Variants in SHISA6 observed in about 807,000 individuals in gnomAD.
SHISA6 encodes the protein protein shisa-6.
SHISA6 carries 22 observed loss-of-function variants against 47.9 expected under a neutral mutation model. The observed-to-expected ratio is 0.46, with a 90% CI of 0.33 to 0.66. The LOEUF is 0.66. Ranked by LOEUF, SHISA6 falls within the 30% of genes least tolerant of loss-of-function variation. The pLI is 0.02. For synonymous variants in SHISA6, 388 were observed against 337.8 expected, an observed-to-expected ratio of 1.15 and a Z score of -1.63; for missense variants, 680 against 764.6, an observed-to-expected ratio of 0.89 and a Z score of 1.30.
intron 2 of SHISA6, chr17:11,288,576 C>G (rs1909408178): frequency 6.6e-6 from 1 of 152,120 alleles, no homozygotes; most frequent in African/African-American, 2.4e-5. Flanking sequence ...AAACTAAAAA[C>G]TACTCATAAT....
chr17:11,261,116 G>A (rs1213603511), intron 1 of SHISA6, among the ~76,000 whole-genome samples: 1 of 152,028 alleles, frequency 6.6e-6, no homozygotes, highest in South Asian at 2.1e-4. Context: ...GAGCAAGGAG[G>A]GGGGTCACCA....
rs1477531822 is a variant in SHISA6 at position 11,242,035 on chromosome 17, C to A, written c.613C>A (p.Pro205Thr). 2 of 1,550,852 alleles carry A rather than the reference C, an allele frequency of 1.3e-6. No homozygotes were observed. The highest frequency in any genetic ancestry group is 2.4e-5 in the East Asian group (1 of 40,894). ...AKVSYDKAHR[P>T]PREMNIHRAL... ...GGTCTCCTACGACAAGGCCCACCGC[C>A]CTCCACGGGAGATGAACATCCACAG... The change falls in exon 1 of 6, where the codon CCT becomes ACT. Residue 205 changes from proline to threonine, a missense_variant. Coordinates refer to ENST00000441885, the MANE Select transcript of SHISA6 (RefSeq NM_207386.4).
At chr17:11,484,831 A>G (rs1175236364) in intron 3 of SHISA6, among the ~76,000 whole-genome samples, 1 of 152,254 alleles carries the variant, frequency 6.6e-6, no homozygotes, top group Non-Finnish European at 1.5e-5. Context: ...GAAGAAATTG[A>G]AAAAATTGTC....
In SHISA6 at chr17:11,241,548, C is replaced by CG; in HGVS notation, c.131dup (p.Arg45ProfsTer67). On this transcript the variant is annotated frameshift_variant, in exon 1 of 6. Transcript: ENST00000441885. LOFTEE classifies it high-confidence loss of function. This position sits in a 1 kb window ranked among gnomAD's most constrained non-coding sequence, Gnocchi z 5.5. ...CCCTGAGTGCAGGCGGCGCTGCCGT[C>CG]GGGGGCCGGAGGGCCGGGGGCGCCC... 9.2e-7 allele frequency: 1 copy of CG among 1,085,196 alleles called. No homozygotes were observed. Among genetic ancestry groups the CG allele is most frequent in the Non-Finnish European group, 1.1e-6 (1 of 897,076 alleles). 67.2% of individuals were successfully genotyped at this position (1,085,196 alleles called of 1,614,324 possible). A position where few individuals can be genotyped will look rare whatever the true frequency, so the allele number is the denominator to read the frequency against.
At chr17:11,526,477 C>T (rs1250099521) in intron 3 of SHISA6, among the ~76,000 whole-genome samples, 2 of 152,174 alleles carry the variant, frequency 1.3e-5, no homozygotes, top group African/African-American at 4.8e-5. Context: ...CCCAGAGCAT[C>T]GCACTTGTAC....
Position 11,304,927 on chromosome 17 carries a change from A to G in SHISA6, c.799+41401A>G, listed in dbSNP as rs189513306. Among the ~76,000 whole-genome samples the G allele has an allele frequency of 4.2e-4, 64 of 152,322 alleles. 1 individual carries two copies. Among genetic ancestry groups the G allele is most frequent in the Non-Finnish European group, 2.1e-4 (14 of 68,030 alleles). ...AAGAGGACCAAAGAGAAGCAGAAGCAGTGCTGTGATAGTTCCTCAGACCGC... is the reference window on the plus strand; with the variant it reads ...AAGAGGACCAAAGAGAAGCAGAAGCGGTGCTGTGATAGTTCCTCAGACCGC... On this transcript the variant is annotated intron_variant, in intron 2 of 5. Transcript: ENST00000441885.
At chr17:11,453,858 T>G (rs1040617617) in intron 3 of SHISA6, among the ~76,000 whole-genome samples, 3 of 152,168 alleles carry the variant, frequency 2.0e-5, no homozygotes, top group African/African-American at 7.2e-5. Context: ...GGTCAGACTA[T>G]AGGGACAGAG....
intron 2 of SHISA6, among the ~76,000 whole-genome samples, chr17:11,331,921 G>T (rs1226282209): frequency 2.6e-5 from 4 of 152,050 alleles, no homozygotes; most frequent in Non-Finnish European, 4.4e-5. Flanking sequence ...TCCTCACTCT[G>T]TGGCTCTGTG....
intron 3 of SHISA6, among the ~76,000 whole-genome samples, chr17:11,540,076 C>T (rs894458770): frequency 2.6e-4 from 39 of 152,206 alleles, no homozygotes; most frequent in African/African-American, 7.0e-4. Flanking sequence ...TCTTCCCACA[C>T]GTTCCAGACC....
intron 2 of SHISA6, among the ~76,000 whole-genome samples, chr17:11,334,043 CT>C (rs1911229091): frequency 6.6e-6 from 1 of 152,182 alleles, no homozygotes. Flanking sequence ...TTATGATAAA[CT>C]GGCAACAGTC....
At chr17:11,467,286 C>A (rs901708258) in intron 3 of SHISA6, among the ~76,000 whole-genome samples, 7 of 152,130 alleles carry the variant, frequency 4.6e-5, no homozygotes, top group Non-Finnish European at 1.0e-4. Flanking sequence ...ACGCTGGTCC[C>A]CATCTGAGAG....
At chr17:11,500,330 G>C (rs547471147) in intron 3 of SHISA6, among the ~76,000 whole-genome samples, 85 of 152,222 alleles carry the variant, frequency 5.6e-4, no homozygotes, top group Non-Finnish European at 9.7e-4. Flanking sequence ...GCCAGATTAT[G>C]AGGTTGCACA....
chr17:11,501,697 CAG>C (rs754641140), intron 3 of SHISA6, among the ~76,000 whole-genome samples: 15 of 150,186 alleles, frequency 1.0e-4, no homozygotes, highest in Non-Finnish European at 1.3e-4. Flanking sequence ...ACAGAGAAGA[CAG>C]AGAGAGAGAG....
At chr17:11,263,640 T>G (rs956631233) in intron 2 of SHISA6, 114 bp downstream of exon 2, 17 of 1,329,716 alleles carry the variant, frequency 1.3e-5, no homozygotes, top group African/African-American at 4.4e-5. Context: ...GGGACTCTCA[T>G]GGACAGGCAG....
chr17:11,508,621 G>A lies in SHISA6; in HGVS notation c.896-43275G>A, dbSNP rs2071519789. On this transcript the variant is annotated intron_variant, in intron 3 of 5. Transcript: ENST00000441885. ...AGTGCTCCCAGGTCATTTCTCCTTG[G>A]GGGTGCCCACAGGTGGGTGCTTCAT... is the stretch of plus-strand genomic sequence containing the variant. Among the ~76,000 whole-genome samples the A allele has an allele frequency of 1.5e-5, 2 of 132,586 alleles. 1 individual carries two copies. The highest frequency in any genetic ancestry group is 1.5e-4 in the Admixed American group (2 of 13,226). The allele number at this position is 132,586 out of a possible 152,430, so 87.0% of individuals were successfully genotyped here.
intron 3 of SHISA6, among the ~76,000 whole-genome samples, chr17:11,407,243 A>T (rs955917894): frequency 1.3e-5 from 2 of 152,002 alleles, no homozygotes; most frequent in African/African-American, 4.8e-5. Flanking sequence ...CAAAGAGGTT[A>T]GGTAACCTGG....
chr17:11,420,047 T>C (rs1174681681), intron 3 of SHISA6, among the ~76,000 whole-genome samples: 2 of 152,028 alleles, frequency 1.3e-5, no homozygotes, highest in Non-Finnish European at 2.9e-5. Flanking sequence ...CTACTAAAAA[T>C]ACAAAAATTA....
chr17:11,325,280 G>A (rs113990413), intron 2 of SHISA6, among the ~76,000 whole-genome samples: 1 of 152,202 alleles, frequency 6.6e-6, no homozygotes, highest in African/African-American at 2.4e-5. Context: ...AATGGCACGA[G>A]CTCTAGAAAC....
intron 2 of SHISA6, among the ~76,000 whole-genome samples, chr17:11,357,463 CA>C (rs1567583422): frequency 6.6e-6 from 1 of 152,080 alleles, no homozygotes; most frequent in African/African-American, 2.4e-5. Context: ...TATTACATCC[CA>C]AAAAATGCCT....
Sources: gnomAD v4.1 joint callset for allele counts (sites outside exome capture counted in the v4.1 genomes callset) on GRCh38, gnomAD v4.1.1 for gene constraint, Gnocchi (gnomAD v3.1) non-coding constraint, MANE v1.5 for transcripts, NCBI Gene and HGNC (gene_info 2026-07-23, HGNC 2026-07-21) for gene names.